Variants in PSENEN observed in about 807,000 individuals in gnomAD.
PSENEN encodes the protein gamma-secretase subunit PEN-2.
In PSENEN, 4 loss-of-function variants were observed where a neutral mutation model predicts 15.4. That is an observed-to-expected ratio of 0.26 (90% CI 0.13 to 0.59). The LOEUF is 0.59. Among genes scored for constraint, PSENEN ranks in the 20% least tolerant of loss-of-function variants. The probability of loss-of-function intolerance (pLI) is 0.89; values close to 1 mark genes in which losing one functional copy is unlikely to be tolerated. For missense variants in PSENEN, 112 were observed against 120.3 expected (o/e 0.93, Z 0.32); for synonymous variants, 42 against 46.5 (o/e 0.90, Z 0.39).
intron 1 of PSENEN, 43 bp downstream of exon 1, chr19:35,745,743 G>A: frequency 2.9e-6 from 2 of 689,556 alleles, no homozygotes; most frequent in East Asian, 2.7e-5. Flanking sequence ...AATATAAAGA[G>A]CTCTTTAATC....
In PSENEN at chr19:35,746,791, C is replaced by T. The variant is rs746209639; in HGVS notation, c.250C>T (p.Arg84Cys). 23 of 1,613,964 alleles carry T rather than the reference C, an allele frequency of 1.4e-5. No individual in the cohort carries two copies. The highest frequency in any genetic ancestry group is 1.1e-4 in the East Asian group (5 of 44,890). ...WITIFQIYRP[R>C]WGALGDYLSF... The stretch of plus-strand genomic sequence containing the variant: ...CACCATCTTCCAGATCTACCGGCCC[C>T]GCTGGGGTGCCCTTGGGGACTACCT... Residue 84 changes from arginine to cysteine, a missense_variant, in exon 4 of 4, where the codon CGC (arginine) becomes TGC (cysteine). By Grantham distance (180) the Arg-to-Cys change is radical. Transcript: ENST00000587708.
rs1970614250 is a variant in PSENEN at position 35,747,430 on chromosome 19, G to C, written c.*583G>C. ...GATGCTACTTCCTGGGATTTATCTG[G>C]ACCAAGACGTGTGACAAATGGAAGT... On this transcript the variant is annotated 3_prime_UTR_variant, in exon 4 of 4. Transcript: ENST00000587708. 1 of 151,350 alleles carries C rather than the reference G, an allele frequency of 6.6e-6. No individual in the cohort carries two copies. The highest frequency in any genetic ancestry group is 6.6e-5 in the Admixed American group (1 of 15,220). 9.4% of individuals were successfully genotyped at this position (151,350 alleles called of 1,614,324 possible).
chr19:35,746,003 C>A lies in PSENEN; in HGVS notation c.61+12C>A, dbSNP rs1259019082. 1 of 1,613,744 alleles carries A rather than the reference C, an allele frequency of 6.2e-7. No individual in the cohort carries two copies. Among genetic ancestry groups the A allele is most frequent in the South Asian group, 1.1e-5 (1 of 91,082 alleles). ...GAAGTACTACCTGGGTAAGGCAGAT[C>A]GCTAGGGTCCCAGGAGAAGAGAGGG... is the stretch of plus-strand genomic sequence containing the variant. On this transcript the variant is annotated intron_variant, in intron 2 of 3. Coordinates refer to ENST00000587708, the MANE Select transcript of PSENEN (RefSeq NM_172341.4).
Position 35,745,652 on chromosome 19 carries a change from T to A in PSENEN, c.-145T>A. The A allele has an allele frequency of 1.6e-6, 1 of 618,536 alleles. No homozygotes were observed. Among genetic ancestry groups the A allele is most frequent in the Non-Finnish European group, 2.8e-6 (1 of 352,396 alleles). 38.3% of individuals were successfully genotyped at this position (618,536 alleles called of 1,614,324 possible). ...CTGGGGCGTCTCGCGCAAACGTCCA[T>A]AACTGAAAGTAGCTAAGGCACCCCA... is the stretch of plus-strand genomic sequence containing the variant. On this transcript the variant is annotated 5_prime_UTR_variant, in exon 1 of 4. Transcript: ENST00000587708.
rs746274017 is a variant in PSENEN at position 35,746,892 on chromosome 19, G to A, written c.*45G>A. Reference sequence around the variant, plus strand: ...GGCCCTGCTTATTCTCCCAGGACAGGCTCCTTAAAGCAGAGGAGCCTGTCC... The same window carrying A: ...GGCCCTGCTTATTCTCCCAGGACAGACTCCTTAAAGCAGAGGAGCCTGTCC... On this transcript the variant is annotated 3_prime_UTR_variant, in exon 4 of 4. Transcript: ENST00000587708. The A allele has an allele frequency of 1.9e-6, 3 of 1,598,530 alleles. No individual in the cohort carries two copies. The Admixed American group carries it at 5.2e-5, about 28-fold the overall frequency.
chr19:35,746,584 T>G (rs1970578793), intron 3 of PSENEN, 61 bp downstream of exon 3: 1 of 1,602,418 alleles, frequency 6.2e-7, no homozygotes, highest in African/African-American at 1.3e-5. Context: ...GCGGGGAATC[T>G]TGGTGGGAAG....
At chr19:35,746,344 C>A in intron 2 of PSENEN, 75 bp from the exon 3 acceptor site, 1 of 1,227,120 alleles carries the variant, frequency 8.1e-7, no homozygotes, top group Non-Finnish European at 1.2e-6. Context: ...AAATAGATCT[C>A]GGTGGGAGTT....
At position 35,746,791 on chromosome 19, in the gene PSENEN, C is replaced by A; in HGVS notation, c.250C>A (p.Arg84Ser). The A allele has an allele frequency of 6.2e-7, 1 of 1,614,082 alleles. No individual in the cohort carries two copies. Among genetic ancestry groups the A allele is most frequent in the Non-Finnish European group, 8.5e-7 (1 of 1,179,996 alleles). Reference protein sequence around the residue: ...WITIFQIYRPRWGALGDYLSF... With the variant: ...WITIFQIYRPSWGALGDYLSF... ...CACCATCTTCCAGATCTACCGGCCCCGCTGGGGTGCCCTTGGGGACTACCT... is the reference window on the plus strand; with the variant it reads ...CACCATCTTCCAGATCTACCGGCCCAGCTGGGGTGCCCTTGGGGACTACCT... The change falls in exon 4 of 4, where the codon CGC (arginine) becomes AGC (serine). Residue 84 changes from arginine (R) to serine (S), a missense_variant. Coordinates refer to ENST00000587708, the MANE Select transcript of PSENEN (RefSeq NM_172341.4).
chr19:35,746,035 A>G (rs777643306), intron 2 of PSENEN, 44 bp downstream of exon 2: 1 of 1,597,394 alleles, frequency 6.3e-7, no homozygotes, highest in South Asian at 1.1e-5. Flanking sequence ...AGGGGACTGG[A>G]CTAGAGCACC....
chr19:35,746,396 TG>T, intron 2 of PSENEN, 22 bp from the exon 3 acceptor site: 1 of 1,577,556 alleles, frequency 6.3e-7, no homozygotes, highest in Non-Finnish European at 8.7e-7. Context: ...GGGGTTTGTT[TG>T]TTTGTTTTTC....
chr19:35,747,226 C>CTTT lies in PSENEN; in HGVS notation c.*395_*397dup, dbSNP rs36096387. ...GTGCTTCCATTTCTTTTTCTTTTTT[C>CTTT]TTTTTTTTTTTTTTTTTTGAGACAG... is the stretch of plus-strand genomic sequence containing the variant. On this transcript the variant is annotated 3_prime_UTR_variant, in exon 4 of 4. Coordinates refer to ENST00000587708, the MANE Select transcript of PSENEN (RefSeq NM_172341.4). 9 of 128,498 alleles carry CTTT rather than the reference C, an allele frequency of 7.0e-5. No individual in the cohort carries two copies. The highest frequency in any genetic ancestry group is 2.3e-4 in the East Asian group (1 of 4,412). The allele number at this position is 128,498 out of a possible 1,614,324, so 8.0% of individuals were successfully genotyped here. A position where few individuals can be genotyped will look rare whatever the true frequency, so the allele number is the denominator to read the frequency against.
At chr19:35,746,668 G>C (rs1730445197) in intron 3 of PSENEN, 40 bp from the exon 4 acceptor site, 6 of 1,614,120 alleles carry the variant, frequency 3.7e-6, no homozygotes, top group Non-Finnish European at 4.2e-6. Flanking sequence ...CTGGAGAGCA[G>C]CCGGAGGCCA....
In PSENEN at chr19:35,747,112, A is replaced by C. The variant is rs190773155; in HGVS notation, c.*265A>C. On this transcript the variant is annotated 3_prime_UTR_variant, in exon 4 of 4. Transcript: ENST00000587708. Reference sequence around the variant, plus strand: ...GGCTTAGTATTTAGACATGATGTACATTTTTTACAGTGCATACTACTCATA... The same window carrying C: ...GGCTTAGTATTTAGACATGATGTACCTTTTTTACAGTGCATACTACTCATA... The C allele has an allele frequency of 2.5e-6, 1 of 395,556 alleles. No homozygotes were observed. The highest frequency in any genetic ancestry group is 2.1e-5 in the African/African-American group (1 of 48,714). 24.5% of individuals were successfully genotyped at this position (395,556 alleles called of 1,614,324 possible).
chr19:35,746,518 A>G lies in PSENEN; in HGVS notation c.161A>G (p.Lys54Arg). Residue 54 changes from lysine (K) to arginine (R), a missense_variant, in exon 3 of 4, where the codon AAA becomes AGA. By Grantham distance (26) the Lys-to-Arg change is conservative (BLOSUM62 2). Transcript: ENST00000587708. ...VPAYTEQSQI[K>R]GYVWRSAVGF... ...GCCTACACAGAACAGAGCCAAATCA[A>G]AGGCTGTGAGTCTAGAGCACAGAGG... 1 of 1,613,050 alleles carries G rather than the reference A, an allele frequency of 6.2e-7. No homozygotes were observed. Among genetic ancestry groups the G allele is most frequent in the Non-Finnish European group, 8.5e-7 (1 of 1,179,228 alleles).
At chr19:35,746,625 C>T in intron 3 of PSENEN, 83 bp from the exon 4 acceptor site, 1 of 1,611,442 alleles carries the variant, frequency 6.2e-7, no homozygotes. Flanking sequence ...TGTTGGGGCT[C>T]TGGGTGAGAA....
chr19:35,746,500 C>G lies in PSENEN; in HGVS notation c.143C>G (p.Thr48Arg). Residue 48 changes from threonine (T) to arginine (R), a missense_variant, in exon 3 of 4, where the codon ACA becomes AGA. Physicochemically the swap from Thr to Arg is moderately conservative, Grantham distance 71 (BLOSUM62 -1). Coordinates refer to ENST00000587708, the MANE Select transcript of PSENEN (RefSeq NM_172341.4). ...FREAFLVPAY[T>R]EQSQIKGYVW... ...GAGGCCTTCCTTGTCCCAGCCTACA[C>G]AGAACAGAGCCAAATCAAAGGCTGT... The G allele has an allele frequency of 6.2e-7, 1 of 1,613,744 alleles. No homozygotes were observed. The highest frequency in any genetic ancestry group is 8.5e-7 in the Non-Finnish European group (1 of 1,179,832).
chr19:35,745,709 G>C lies in PSENEN; in HGVS notation c.-97+9G>C. On this transcript the variant is annotated intron_variant, in intron 1 of 3. Coordinates refer to ENST00000587708, the MANE Select transcript of PSENEN (RefSeq NM_172341.4). The stretch of plus-strand genomic sequence containing the variant: ...GGAAGTGAGCTCTCCTGGTGAGTTG[G>C]GGGTCGTTTCGCCCACCCTAGTAAA... The C allele has an allele frequency of 4.7e-6, 3 of 636,710 alleles. No homozygotes were observed. In the South Asian group the frequency reaches 5.4e-5, roughly 11 times the overall value. 39.4% of individuals were successfully genotyped at this position (636,710 alleles called of 1,614,324 possible).
chr19:35,746,865 G>A lies in PSENEN; in HGVS notation c.*18G>A, dbSNP rs199977740. ...CCCCCTGACAACTTCTGCACATACT[G>A]GGGCCCTGCTTATTCTCCCAGGACA... On this transcript the variant is annotated 3_prime_UTR_variant, in exon 4 of 4. Transcript: ENST00000587708. 21 of 1,613,106 alleles carry A rather than the reference G, an allele frequency of 1.3e-5. 1 individual carries two copies. The highest frequency in any genetic ancestry group is 1.2e-4 in the South Asian group (11 of 91,052).
Position 35,747,048 on chromosome 19 carries a change from T to C in PSENEN, c.*201T>C. 1 of 546,332 alleles carries C rather than the reference T, an allele frequency of 1.8e-6. No homozygotes were observed. The highest frequency in any genetic ancestry group is 2.6e-5 in the South Asian group (1 of 38,152). 33.8% of individuals were successfully genotyped at this position (546,332 alleles called of 1,614,324 possible). A position where few individuals can be genotyped will look rare whatever the true frequency, so the allele number is the denominator to read the frequency against. On this transcript the variant is annotated 3_prime_UTR_variant, in exon 4 of 4. Transcript: ENST00000587708. Reference sequence around the variant, plus strand: ...TTTTAGAGGTTGAGGCATAAATGATTATTAATATTTAAAAACATCTGTTGA... The same window carrying C: ...TTTTAGAGGTTGAGGCATAAATGATCATTAATATTTAAAAACATCTGTTGA...
Sources: gnomAD v4.1 joint callset for allele counts on GRCh38, gnomAD v4.1.1 for gene constraint, MANE v1.5 for transcripts, NCBI Gene and HGNC (gene_info 2026-07-23, HGNC 2026-07-21) for gene names.